STK38: variants seen among roughly 807,000 people sequenced by gnomAD.
The protein encoded by STK38 is serine/threonine kinase 38.
STK38 carries 26 observed loss-of-function variants against 59.0 expected under a neutral mutation model. The observed-to-expected ratio is 0.44, with a 90% CI of 0.32 to 0.61. The LOEUF (loss-of-function observed/expected upper bound fraction) is 0.61, where lower values mean the gene tolerates loss of function less well. STK38 is among the 20% of genes least tolerant of loss of function. The pLI, the probability that STK38 is intolerant of heterozygous loss-of-function variation, is 0.04. For missense variants in STK38, 433 were observed against 566.0 expected (o/e 0.76, Z 2.38); for synonymous variants, 175 against 176.6 (o/e 0.99, Z 0.07).
intron 9 of STK38, among the ~76,000 whole-genome samples, chr6:36,504,418 T>G (rs1361570158): frequency 6.6e-6 from 1 of 152,248 alleles, no homozygotes; most frequent in Non-Finnish European, 1.5e-5. Flanking sequence ...CCTAGAGCAG[T>G]AAATTTATAT....
At chr6:36,509,990 A>AG (rs907296845) in intron 7 of STK38, among the ~76,000 whole-genome samples, 10 of 152,316 alleles carry the variant, frequency 6.6e-5, no homozygotes, top group African/African-American at 2.4e-4. Context: ...AGGTGGCCAC[A>AG]GGCAGGCCCG....
chr6:36,519,417 C>T (rs1777330521), intron 5 of STK38, among the ~76,000 whole-genome samples: 1 of 152,182 alleles, frequency 6.6e-6, no homozygotes, highest in African/African-American at 2.4e-5. Flanking sequence ...CTTCATCTGC[C>T]TGTCTCCCCT....
chr6:36,516,802 TCCA>T (rs1777265947), intron 6 of STK38, among the ~76,000 whole-genome samples: 1 of 152,154 alleles, frequency 6.6e-6, no homozygotes, highest in Non-Finnish European at 1.5e-5. Flanking sequence ...GCAGGCCAGC[TCCA>T]CCAAGTGCAA....
At chr6:36,539,644 C>T (rs1777883683) in intron 2 of STK38, among the ~76,000 whole-genome samples, 1 of 151,782 alleles carries the variant, frequency 6.6e-6, no homozygotes, top group Non-Finnish European at 1.5e-5. Flanking sequence ...TACAGCTATT[C>T]AATGAAACTG....
intron 10 of STK38, 67 bp downstream of exon 10, chr6:36,499,806 G>A: frequency 1.6e-6 from 2 of 1,243,930 alleles, no homozygotes; most frequent in South Asian, 1.2e-5. Context: ...TTGAAACAGA[G>A]GCTGGTATCA....
chr6:36,541,831 C>CTTTTTTTTTTTTT (rs58320889), intron 1 of STK38, among the ~76,000 whole-genome samples: 1 of 135,940 alleles, frequency 7.4e-6, no homozygotes, highest in Non-Finnish European at 1.6e-5. Flanking sequence ...TTTTCTTTTT[C>CTTTTTTTTTTTTT]TTTTTTTTTT....
intron 2 of STK38, among the ~76,000 whole-genome samples, chr6:36,534,604 G>C (rs1777742233): frequency 6.6e-6 from 1 of 152,038 alleles, no homozygotes; most frequent in Non-Finnish European, 1.5e-5. Context: ...AGTGAGCCAT[G>C]ATTGTGCCAC....
chr6:36,504,614 T>C (rs959220507), intron 9 of STK38, among the ~76,000 whole-genome samples: 6 of 151,930 alleles, frequency 3.9e-5, no homozygotes, highest in African/African-American at 1.4e-4. Context: ...CTGTATATAG[T>C]ATAAAAAGGC....
At chr6:36,515,562 C>G in intron 6 of STK38, 70 bp from the exon 7 acceptor site, 1 of 1,568,272 alleles carries the variant, frequency 6.4e-7, no homozygotes, top group South Asian at 1.1e-5. Context: ...ACACAACATA[C>G]GAGTGAGTAC....
intron 4 of STK38, among the ~76,000 whole-genome samples, 195 bp downstream of exon 4, chr6:36,524,146 G>A (rs1435060663): frequency 6.6e-6 from 1 of 152,174 alleles, no homozygotes; most frequent in Non-Finnish European, 1.5e-5. Context: ...TGGCAAAACA[G>A]AGAACAGAGA....
chr6:36,526,303 T>C (rs897866412), intron 2 of STK38, among the ~76,000 whole-genome samples: 25 of 151,974 alleles, frequency 1.6e-4, no homozygotes, highest in African/African-American at 5.3e-4. Flanking sequence ...TATATCATGC[T>C]GTTTCTTTCC....
chr6:36,498,518 C>T (rs1444559064), intron 10 of STK38, 32 bp from the exon 11 acceptor site: 3 of 1,588,246 alleles, frequency 1.9e-6, no homozygotes, highest in South Asian at 1.2e-5. Flanking sequence ...GGAGCTTTTA[C>T]ACTCCAGAAC....
intron 3 of STK38, 29 bp from the exon 4 acceptor site, chr6:36,524,492 C>A (rs3752479): frequency 6.4e-7 from 1 of 1,572,232 alleles, no homozygotes; most frequent in Non-Finnish European, 8.6e-7. Flanking sequence ...AGGGAGGAGA[C>A]GGGAAGGAAC....
At chr6:36,497,661 C>G in intron 12 of STK38, 119 bp downstream of exon 12, 3 of 780,442 alleles carry the variant, frequency 3.8e-6, no homozygotes, top group Non-Finnish European at 6.2e-6. Context: ...GGAAAAGACC[C>G]TAAATCTCTA....
chr6:36,531,038 A>G (rs577803924), intron 2 of STK38, among the ~76,000 whole-genome samples: 2 of 152,094 alleles, frequency 1.3e-5, no homozygotes, highest in African/African-American at 4.8e-5. Flanking sequence ...AATCTCAACA[A>G]ATTACTTCAG....
chr6:36,495,720 T>A lies in STK38; in HGVS notation c.*64A>T, dbSNP rs1423895391. 6.2e-7 allele frequency: 1 copy of A among 1,603,412 alleles called. No homozygotes were observed. The highest frequency in any genetic ancestry group is 8.5e-7 in the Non-Finnish European group (1 of 1,173,000). On this transcript the variant is annotated 3_prime_UTR_variant, in exon 14 of 14. Transcript: ENST00000229812. ...ACTTCTTGGAAGCTCTTCAAGAGTG[T>A]GAGAGGAAAAGCATGATGTTATACA...
At chr6:36,512,868 C>T (rs1269977950) in intron 7 of STK38, among the ~76,000 whole-genome samples, 1 of 152,044 alleles carries the variant, frequency 6.6e-6, no homozygotes, top group East Asian at 1.9e-4. Context: ...CCATGTTGTC[C>T]AAGCTGGTCT....
intron 5 of STK38, 107 bp downstream of exon 5, chr6:36,521,625 CAG>C: frequency 4.2e-6 from 3 of 710,604 alleles, no homozygotes; most frequent in Non-Finnish European, 6.4e-6. Context: ...TCATACATGA[CAG>C]AGCTAAAGAA....
intron 3 of STK38, 61 bp from the exon 4 acceptor site, chr6:36,524,524 C>CA: frequency 6.7e-7 from 1 of 1,493,362 alleles, no homozygotes; most frequent in Non-Finnish European, 8.9e-7. Context: ...AACTCTGTAA[C>CA]AAGTCATGTT....
Sources: gnomAD v4.1 joint callset for allele counts (sites outside exome capture counted in the v4.1 genomes callset) on GRCh38, gnomAD v4.1.1 for gene constraint, MANE v1.5 for transcripts, NCBI Gene and HGNC (gene_info 2026-07-23, HGNC 2026-07-21) for gene names.